Variants in PATJ observed in about 807,000 individuals in gnomAD.
The protein encoded by PATJ is inaD-like protein.
In PATJ, 190 loss-of-function variants were observed where a neutral mutation model predicts 224.9. The ratio of observed to expected loss-of-function variants is 0.84; its 90% CI spans 0.75 to 0.95. The LOEUF (loss-of-function observed/expected upper bound fraction) is 0.95. Among genes scored for constraint, PATJ ranks in the 40% least tolerant of loss-of-function variants. PATJ has a pLI of 0.00. For missense variants in PATJ, 2,121 were observed against 2,270.3 expected, an observed-to-expected ratio of 0.93 and a Z score of 1.34; for synonymous variants, 769 against 820.3, an observed-to-expected ratio of 0.94 and a Z score of 1.07.
Position 62,084,594 on chromosome 1 carries a change from C to G in PATJ, c.4323C>G (p.Ser1441=), listed in dbSNP as rs1659719424. ...GACAGGAAATGATTATAGAAATATCCAAGGGACGTTCAGGGCTTGGTCTCA... is the reference window on the plus strand; with the variant it reads ...GACAGGAAATGATTATAGAAATATCGAAGGGACGTTCAGGGCTTGGTCTCA... ...VPGQEMIIEI[S]KGRSGLGLSI... The change falls in exon 33 of 44, where the codon TCC becomes TCG. Residue 1441 remains serine (S), a synonymous_variant. Coordinates refer to ENST00000642238, the MANE Select transcript of PATJ (RefSeq NM_001350145.3). 1 of 1,613,272 alleles carries G rather than the reference C, an allele frequency of 6.2e-7. No individual in the cohort carries two copies. Among genetic ancestry groups the G allele is most frequent in the African/African-American group, 1.3e-5 (1 of 75,000 alleles).
chr1:61,981,387 G>T (rs1164850895), intron 27 of PATJ, among the ~76,000 whole-genome samples: 1 of 151,950 alleles, frequency 6.6e-6, no homozygotes, highest in Non-Finnish European at 1.5e-5. Context: ...AGCACCAAGG[G>T]TGATATTTTA....
chr1:62,013,963 A>C (rs747798111), intron 28 of PATJ, among the ~76,000 whole-genome samples: 1 of 152,180 alleles, frequency 6.6e-6, no homozygotes, highest in African/African-American at 2.4e-5. Flanking sequence ...TAGTAGAGAC[A>C]GGGTTTCGCC....
At chr1:61,885,115 T>C (rs1270779797) in intron 22 of PATJ, among the ~76,000 whole-genome samples, 1 of 152,156 alleles carries the variant, frequency 6.6e-6, no homozygotes, top group African/African-American at 2.4e-5. Flanking sequence ...GGCATAGGCA[T>C]GGGCAAGGAC....
intron 15 of PATJ, 134 bp downstream of exon 15, chr1:61,823,213 G>A (rs188599840): frequency 7.1e-5 from 58 of 814,952 alleles, no homozygotes; most frequent in African/African-American, 6.2e-4. Flanking sequence ...TGAAAAAACC[G>A]AACAGCTTAC....
chr1:61,743,168 A>T (rs915319809), intron 1 of PATJ, among the ~76,000 whole-genome samples: 1 of 152,244 alleles, frequency 6.6e-6, no homozygotes, highest in Admixed American at 6.5e-5. Flanking sequence ...GCCAGCGGTC[A>T]GGCCCTGGGC....
intron 32 of PATJ, among the ~76,000 whole-genome samples, chr1:62,084,193 G>T (rs1558145632): frequency 6.6e-6 from 1 of 152,224 alleles, no homozygotes. Context: ...GGTGGAGGTT[G>T]CAGTGAGCTG....
intron 27 of PATJ, among the ~76,000 whole-genome samples, chr1:61,933,400 C>T (rs748293519): frequency 5.3e-5 from 8 of 151,746 alleles, no homozygotes; most frequent in Non-Finnish European, 1.2e-4. Context: ...ATTAGCTGGG[C>T]GTAGTGGCGG....
At chr1:61,863,947 T>C (rs559199984) in intron 19 of PATJ, among the ~76,000 whole-genome samples, 1 of 152,362 alleles carries the variant, frequency 6.6e-6, no homozygotes, top group African/African-American at 2.4e-5. Context: ...AAATTCCTAT[T>C]TCTAGTGGAG....
chr1:61,815,917 A>G (rs955685574), intron 14 of PATJ, among the ~76,000 whole-genome samples: 1 of 152,170 alleles, frequency 6.6e-6, no homozygotes, highest in African/African-American at 2.4e-5. Flanking sequence ...AGTGTTTACT[A>G]TTAAGATAAT....
intron 31 of PATJ, among the ~76,000 whole-genome samples, chr1:62,059,068 A>T (rs1654996476): frequency 6.6e-6 from 1 of 152,062 alleles, no homozygotes; most frequent in South Asian, 2.1e-4. Flanking sequence ...TTCTTCTCTA[A>T]TGCAGCCTGC....
rs1011523029 is a variant in PATJ at position 62,122,439 on chromosome 1, C to G, written c.5006-582C>G. On this transcript the variant is annotated intron_variant, in intron 38 of 43. Transcript: ENST00000642238. Reference sequence around the variant, plus strand: ...CTCCAAGCATTTACTCACCATGTTCCAGGCAGCTGCTGCTATATAGCCCAT... The same window carrying G: ...CTCCAAGCATTTACTCACCATGTTCGAGGCAGCTGCTGCTATATAGCCCAT... Among the ~76,000 whole-genome samples, 8 of 151,756 alleles carry G rather than the reference C, an allele frequency of 5.3e-5. No homozygotes were observed. The East Asian group carries it at 1.2e-3, about 22-fold the overall frequency.
intron 15 of PATJ, among the ~76,000 whole-genome samples, chr1:61,825,741 T>C (rs753352780): frequency 1.3e-5 from 2 of 152,074 alleles, no homozygotes; most frequent in Non-Finnish European, 2.9e-5. Flanking sequence ...AATGAATAAA[T>C]AATGAGATAA....
chr1:61,807,682 G>A (rs561410095), intron 13 of PATJ, among the ~76,000 whole-genome samples: 2 of 152,172 alleles, frequency 1.3e-5, no homozygotes. Flanking sequence ...GAATGAATGC[G>A]TGTACTCCAA....
intron 39 of PATJ, 91 bp from the exon 40 acceptor site, chr1:62,127,881 G>A (rs530871107): frequency 3.0e-6 from 4 of 1,323,748 alleles, no homozygotes; most frequent in South Asian, 1.3e-5. Flanking sequence ...ACCTCATGGA[G>A]GGATTTTGTT....
intron 39 of PATJ, among the ~76,000 whole-genome samples, chr1:62,126,191 C>G (rs1665705618): frequency 6.6e-6 from 1 of 152,200 alleles, no homozygotes. Flanking sequence ...TGCTTTTCTT[C>G]TCTTTCCCTC....
At chr1:61,830,425 A>AT (rs1257316461) in intron 16 of PATJ, among the ~76,000 whole-genome samples, 6 of 152,058 alleles carry the variant, frequency 3.9e-5, no homozygotes, top group Non-Finnish European at 5.9e-5. Flanking sequence ...TAAAGTGGCC[A>AT]TACTGCCCAA....
In PATJ at chr1:61,957,425, C is replaced by T. The variant is rs1372452519; in HGVS notation, c.3670+29596C>T. 2.0e-5 allele frequency among the ~76,000 whole-genome samples: 3 copies of T among 152,024 alleles called. No homozygotes were observed. In the East Asian group the frequency reaches 5.8e-4, roughly 29 times the overall value. ...GAATTATATATTTGGGAATGATGAGCGTTAGAATAATGGGCAGATTATTTT... is the reference window on the plus strand; with the variant it reads ...GAATTATATATTTGGGAATGATGAGTGTTAGAATAATGGGCAGATTATTTT... On this transcript the variant is annotated intron_variant, in intron 27 of 43. Transcript: ENST00000642238.
intron 16 of PATJ, among the ~76,000 whole-genome samples, chr1:61,829,966 CATA>C (rs1208629937): frequency 6.6e-6 from 1 of 152,144 alleles, no homozygotes; most frequent in African/African-American, 2.4e-5. Context: ...GTTATTGATC[CATA>C]ATGTTTCCAC....
intron 28 of PATJ, among the ~76,000 whole-genome samples, chr1:61,996,509 A>T (rs1645363647): frequency 6.6e-6 from 1 of 152,184 alleles, no homozygotes; most frequent in Non-Finnish European, 1.5e-5. Flanking sequence ...TATAGTCAGA[A>T]GCTTCTGTCA....
Sources: allele counts gnomAD v4.1 joint callset (sites outside exome capture counted in the v4.1 genomes callset), GRCh38; gene constraint gnomAD v4.1.1; transcripts MANE v1.5; gene names NCBI Gene and HGNC (gene_info 2026-07-23, HGNC 2026-07-21).